The following ADGRL3 variants were observed in gnomAD, a reference collection of about 807,000 sequenced individuals.
ADGRL3 encodes the protein calcium-independent alpha-latrotoxin receptor 3.
A neutral mutation model predicts 153.5 loss-of-function variants in ADGRL3; 62 were observed. The observed-to-expected ratio is 0.40, with a 90% confidence interval of 0.33 to 0.50. The LOEUF is 0.50. ADGRL3 is among the 20% of genes least tolerant of loss of function. The pLI, the probability that ADGRL3 is intolerant of heterozygous loss-of-function variation, is 0.47. For missense variants in ADGRL3, 1,641 were observed against 1,859.4 expected, an observed-to-expected ratio of 0.88 and a Z score of 2.16; for synonymous variants, 710 against 672.5, an observed-to-expected ratio of 1.06 and a Z score of -0.86.
chr4:61,746,513 G>T (rs899312510), intron 8 of ADGRL3, among the ~76,000 whole-genome samples: 56 of 152,248 alleles, frequency 3.7e-4, no homozygotes, highest in African/African-American at 1.3e-3. Context: ...CTCTCTCTGA[G>T]ACCACAGTGC....
At chr4:61,449,536 T>C (rs1376633607) in intron 2 of ADGRL3, among the ~76,000 whole-genome samples, 2 of 152,154 alleles carry the variant, frequency 1.3e-5, no homozygotes, top group Non-Finnish European at 2.9e-5. Flanking sequence ...TAATTGTGTC[T>C]ACCTATTTAT....
intron 1 of ADGRL3, among the ~76,000 whole-genome samples, chr4:61,263,447 A>G (rs1578030431): frequency 6.7e-6 from 1 of 149,268 alleles, no homozygotes; most frequent in African/African-American, 2.4e-5. Flanking sequence ...GTTGTCTTGC[A>G]TAGAGTGCAT....
intron 9 of ADGRL3, among the ~76,000 whole-genome samples, chr4:61,817,653 C>T (rs1042382034): frequency 1.3e-5 from 2 of 152,130 alleles, no homozygotes; most frequent in East Asian, 3.9e-4. Context: ...AAAGGCATAC[C>T]TGAGACTGGG....
At chr4:61,719,205 G>A (rs1023552197) in intron 6 of ADGRL3, among the ~76,000 whole-genome samples, 5 of 151,738 alleles carry the variant, frequency 3.3e-5, no homozygotes, top group African/African-American at 1.2e-4. Flanking sequence ...ACATAAATTC[G>A]TAAGGAAAAC....
intron 2 of ADGRL3, among the ~76,000 whole-genome samples, chr4:61,402,879 G>T (rs1167034618): frequency 6.6e-6 from 1 of 151,836 alleles, no homozygotes; most frequent in Non-Finnish European, 1.5e-5. Context: ...GTATTTATCT[G>T]CTTGGGCTGC....
chr4:61,274,308 G>C (rs1382495433), intron 1 of ADGRL3, among the ~76,000 whole-genome samples: 1 of 152,178 alleles, frequency 6.6e-6, no homozygotes, highest in Non-Finnish European at 1.5e-5. Context: ...CCATGGGAGA[G>C]ACTGCCATCT....
intron 8 of ADGRL3, among the ~76,000 whole-genome samples, chr4:61,791,232 G>C (rs2097338060): frequency 6.6e-6 from 1 of 152,166 alleles, no homozygotes; most frequent in Admixed American, 6.6e-5. Context: ...AAAATCAAAA[G>C]CAAGTTAGTT....
In ADGRL3 at chr4:61,682,922, G is replaced by A. The variant is rs1330667452; in HGVS notation, c.583+5987G>A. Among the ~76,000 whole-genome samples the A allele has an allele frequency of 7.2e-5, 11 of 152,000 alleles. 1 individual carries two copies. Among genetic ancestry groups the A allele is most frequent in the East Asian group, 1.9e-4 (1 of 5,178 alleles). ...CAAAAACCAAGATAAAGATTCTGTCGTCCTTCAAGGAGTTCAGTCAAGTGG... is the reference window on the plus strand; with the variant it reads ...CAAAAACCAAGATAAAGATTCTGTCATCCTTCAAGGAGTTCAGTCAAGTGG... On this transcript the variant is annotated intron_variant, in intron 6 of 26. Coordinates refer to ENST00000683033, the MANE Select transcript of ADGRL3 (RefSeq NM_001387552.1).
intron 5 of ADGRL3, among the ~76,000 whole-genome samples, chr4:61,641,611 T>A (rs1297136731): frequency 2.0e-5 from 3 of 152,064 alleles, no homozygotes; most frequent in Non-Finnish European, 4.4e-5. Flanking sequence ...ACAAAGGACA[T>A]GAACTCATCA....
chr4:61,471,714 A>G (rs1414900887), intron 2 of ADGRL3, among the ~76,000 whole-genome samples: 3 of 151,998 alleles, frequency 2.0e-5, no homozygotes, highest in African/African-American at 7.2e-5. Flanking sequence ...TCAGTTTCTG[A>G]CAACAGTGCA....
Position 61,888,585 on chromosome 4 carries a change from T to C in ADGRL3, c.1481-4071T>C, listed in dbSNP as rs148463768. On this transcript the variant is annotated intron_variant, in intron 9 of 26. Transcript: ENST00000683033. ...GAACAGAGCCTGCGGTAGTCTTACA[T>C]AGCAGTAAATGGAAGGATGGGTATG... 7.7e-4 allele frequency among the ~76,000 whole-genome samples: 117 copies of C among 152,332 alleles called. 2 individuals carry two copies. In the Middle Eastern group the frequency reaches 0.014, roughly 18 times the overall value.
intron 1 of ADGRL3, among the ~76,000 whole-genome samples, chr4:61,381,903 C>T (rs1055262386): frequency 2.0e-5 from 3 of 151,890 alleles, no homozygotes; most frequent in Non-Finnish European, 4.4e-5. Context: ...ACAAAAACCT[C>T]ACTAATTGGG....
chr4:61,289,290 G>A (rs1196400611), intron 1 of ADGRL3, among the ~76,000 whole-genome samples: 1 of 151,858 alleles, frequency 6.6e-6, no homozygotes, highest in East Asian at 1.9e-4. Flanking sequence ...TAAAATATTA[G>A]CCTTTCCTCT....
At chr4:61,390,595 T>A (rs927669286) in intron 2 of ADGRL3, among the ~76,000 whole-genome samples, 1 of 152,230 alleles carries the variant, frequency 6.6e-6, no homozygotes, top group African/African-American at 2.4e-5. Context: ...CATTTAAAAT[T>A]AGTTATTGTA....
chr4:61,933,444 G>A (rs1435222341), intron 13 of ADGRL3, among the ~76,000 whole-genome samples: 1 of 152,024 alleles, frequency 6.6e-6, no homozygotes, highest in Non-Finnish European at 1.5e-5. Flanking sequence ...AAATGACGGA[G>A]CTAAGCACAC....
At chr4:61,519,259 C>T (rs1275865930) in intron 4 of ADGRL3, among the ~76,000 whole-genome samples, 1 of 152,082 alleles carries the variant, frequency 6.6e-6, no homozygotes, top group Non-Finnish European at 1.5e-5. Flanking sequence ...TTTTCTATAT[C>T]ACTAGATTTT....
intron 25 of ADGRL3, among the ~76,000 whole-genome samples, chr4:62,056,469 C>T (rs972046596): frequency 6.6e-6 from 1 of 151,926 alleles, no homozygotes; most frequent in African/African-American, 2.4e-5. Flanking sequence ...ATTTAGTGTA[C>T]AAACATATAC....
At chr4:61,560,924 G>T (rs1052444372) in intron 4 of ADGRL3, among the ~76,000 whole-genome samples, 6 of 152,078 alleles carry the variant, frequency 3.9e-5, no homozygotes, top group Non-Finnish European at 5.9e-5. Context: ...CAGGTGAAAG[G>T]TCATGGTAAC....
chr4:61,938,327 AAAATT>A (rs2098847806), intron 15 of ADGRL3, among the ~76,000 whole-genome samples: 2 of 152,234 alleles, frequency 1.3e-5, no homozygotes, highest in Non-Finnish European at 2.9e-5. Flanking sequence ...GGGAAAGAAC[AAAATT>A]AAATTATGTT....
Sources: allele counts gnomAD v4.1 joint callset (sites outside exome capture counted in the v4.1 genomes callset), GRCh38; gene constraint gnomAD v4.1.1; transcripts MANE v1.5; gene names NCBI Gene and HGNC (gene_info 2026-07-23, HGNC 2026-07-21).